The following TTC5 variants were observed in gnomAD, a reference collection of about 807,000 sequenced individuals.
TTC5 encodes tetratricopeptide repeat protein 5.
Under a neutral mutation model 57.4 loss-of-function variants are expected in TTC5, and 46 were observed. The ratio of observed to expected loss-of-function variants is 0.80; its 90% CI spans 0.63 to 1.03. The LOEUF (loss-of-function observed/expected upper bound fraction) is 1.03. TTC5 is among the 50% of genes least tolerant of loss of function. The pLI is 0.00. For missense variants in TTC5, 504 were observed against 528.1 expected, an observed-to-expected ratio of 0.95 and a Z score of 0.45; for synonymous variants, 190 against 203.5, an observed-to-expected ratio of 0.93 and a Z score of 0.57.
At chr14:20,295,976 G>T in intron 6 of TTC5, 122 bp from the exon 7 acceptor site, 1 of 971,650 alleles carries the variant, frequency 1.0e-6, no homozygotes, top group Non-Finnish European at 1.5e-6. Flanking sequence ...TTCCTGTGCT[G>T]CAACAAACAG....
intron 5 of TTC5, among the ~76,000 whole-genome samples, chr14:20,296,795 C>T (rs754273722): frequency 6.6e-5 from 10 of 152,118 alleles, no homozygotes; most frequent in Non-Finnish European, 1.5e-4. Context: ...GGCAGATCAC[C>T]TGAGGTCAGG....
At chr14:20,292,974 T>G (rs1881989474) in intron 8 of TTC5, 1 of 152,220 alleles carries the variant, frequency 6.6e-6, no homozygotes. Context: ...ATGGTGGTAA[T>G]GATCTCTATT....
chr14:20,300,620 C>G lies in TTC5; in HGVS notation c.383G>C (p.Gly128Ala). The change falls in exon 3 of 10, where the codon GGA becomes GCA. Residue 128 changes from glycine (G) to alanine (A), a missense_variant. Gly to Ala is a moderately conservative substitution (Grantham distance 60). Coordinates refer to ENST00000258821, the MANE Select transcript of TTC5 (RefSeq NM_138376.3). ...GGGGCAGCTCACATGGGTGAGGGCTCCTGAGAAGCAGGTGTGGGCAGCTGC... is the reference window on the plus strand; with the variant it reads ...GGGGCAGCTCACATGGGTGAGGGCTGCTGAGAAGCAGGTGTGGGCAGCTGC... ...DVAAAHTCFS[G>A]ALTHCRNKVS... 2 of 1,612,162 alleles carry G rather than the reference C, an allele frequency of 1.2e-6. No homozygotes were observed. The highest frequency in any genetic ancestry group is 1.1e-5 in the South Asian group (1 of 91,018).
chr14:20,296,926 T>C (rs916020980), intron 5 of TTC5, among the ~76,000 whole-genome samples: 3 of 152,094 alleles, frequency 2.0e-5, no homozygotes, highest in African/African-American at 7.2e-5. Context: ...GGTAGAATTG[T>C]TTTAACATGG....
At chr14:20,302,050 T>C (rs774957610) in intron 1 of TTC5, 85 bp from the exon 2 acceptor site, 332 of 1,456,854 alleles carry the variant, frequency 2.3e-4, no homozygotes, top group Non-Finnish European at 3.1e-4. Context: ...CAGCTCTTGG[T>C]CTAGAAATAC....
At position 20,289,639 on chromosome 14, in the gene TTC5, T is replaced by G; in HGVS notation, c.1311A>C (p.Pro437=). The G allele has an allele frequency of 6.2e-7, 1 of 1,613,320 alleles. No individual in the cohort carries two copies. Among genetic ancestry groups the G allele is most frequent in the Non-Finnish European group, 8.5e-7 (1 of 1,179,498 alleles). ...SQAVATVASR[P]QCE ...TGCAAGTCAAAGGTCATTCACACTG[T>G]GGTCGCGATGCCACTGTGGCAACAG... Residue 437 remains proline, a synonymous_variant, in exon 10 of 10, where the codon CCA becomes CCC. Transcript: ENST00000258821.
intron 2 of TTC5, 139 bp downstream of exon 2, chr14:20,301,694 A>C: frequency 2.8e-6 from 3 of 1,067,182 alleles, no homozygotes; most frequent in Non-Finnish European, 3.9e-6. Flanking sequence ...AAGGTTGCAC[A>C]GGGGCCCTGA....
At chr14:20,297,262 T>A (rs1882085233) in intron 5 of TTC5, among the ~76,000 whole-genome samples, 1 of 152,138 alleles carries the variant, frequency 6.6e-6, no homozygotes, top group Non-Finnish European at 1.5e-5. Context: ...GAATTTTTTT[T>A]AAACAGATAA....
At chr14:20,292,382 T>A (rs1881972986) in intron 8 of TTC5, 1 of 212,748 alleles carries the variant, frequency 4.7e-6, no homozygotes, top group Non-Finnish European at 9.2e-6. Context: ...ATCTGAGTCT[T>A]CATTTTTCTG....
At chr14:20,304,664 C>T (rs977835645) in intron 1 of TTC5, among the ~76,000 whole-genome samples, 1 of 152,136 alleles carries the variant, frequency 6.6e-6, no homozygotes, top group African/African-American at 2.4e-5. Flanking sequence ...ACAAATGAAC[C>T]TAGGAAAAGA....
intron 5 of TTC5, among the ~76,000 whole-genome samples, chr14:20,298,338 GTT>G (rs1232967498): frequency 6.6e-6 from 1 of 152,116 alleles, no homozygotes; most frequent in East Asian, 1.9e-4. Context: ...GCTACACATT[GTT>G]TTCTCTTTTA....
At chr14:20,304,194 T>C (rs867964748) in intron 1 of TTC5, among the ~76,000 whole-genome samples, 4 of 152,348 alleles carry the variant, frequency 2.6e-5, no homozygotes, top group Middle Eastern at 3.4e-3. Context: ...TGGGACATGA[T>C]AGGCTCTAAT....
chr14:20,292,673 G>A (rs1881983188), intron 8 of TTC5: 1 of 152,224 alleles, frequency 6.6e-6, no homozygotes, highest in Admixed American at 6.5e-5. Flanking sequence ...GTCAGACAAT[G>A]AAGTCATCAC....
chr14:20,299,188 C>T (rs1339434586), intron 4 of TTC5, 110 bp downstream of exon 4: 2 of 1,219,364 alleles, frequency 1.6e-6, no homozygotes, highest in African/African-American at 3.0e-5. Context: ...ACAAAGATGC[C>T]CTCTCTGGCT....
intron 1 of TTC5, among the ~76,000 whole-genome samples, chr14:20,303,305 C>T (rs1328428608): frequency 6.6e-6 from 1 of 152,026 alleles, no homozygotes; most frequent in Admixed American, 6.5e-5. Flanking sequence ...CATAAGCCAC[C>T]AAGTTTCATA....
In TTC5 at chr14:20,305,917, T is replaced by C. The variant is rs749309233; in HGVS notation, c.21A>G (p.Glu7=). 3.7e-6 allele frequency: 6 copies of C among 1,614,154 alleles called. No homozygotes were observed. The highest frequency in any genetic ancestry group is 3.3e-5 in the Admixed American group (2 of 60,020). ...ATTTCTGCAAGATCGGCTTGACTTC[T>C]TCCTCTTCATCAGCCATCATCTCCC... The part of the protein sequence containing the change: MMADEE[E]EVKPILQKLQ... The change falls in exon 1 of 10, where the codon GAA becomes GAG. Residue 7 remains glutamate (E), a synonymous_variant. Transcript: ENST00000258821.
chr14:20,286,494 G>C lies in TTC5; in HGVS notation c.*3133C>G, dbSNP rs1881840657. Reference sequence around the variant, plus strand: ...GGGCTTTAAAGATCAGTAGGGAAAGGATTGATTCTTTAATAAAAGGTGCTG... The same window carrying C: ...GGGCTTTAAAGATCAGTAGGGAAAGCATTGATTCTTTAATAAAAGGTGCTG... On this transcript the variant is annotated 3_prime_UTR_variant, in exon 10 of 10. Coordinates refer to ENST00000258821, the MANE Select transcript of TTC5 (RefSeq NM_138376.3). 6.6e-6 allele frequency: 1 copy of C among 151,826 alleles called. No individual in the cohort carries two copies. The highest frequency in any genetic ancestry group is 1.5e-5 in the Non-Finnish European group (1 of 67,940). 9.4% of individuals were successfully genotyped at this position (151,826 alleles called of 1,614,324 possible).
intron 8 of TTC5, chr14:20,293,645 G>C (rs987046532): frequency 6.6e-6 from 1 of 152,210 alleles, no homozygotes; most frequent in African/African-American, 2.4e-5. Flanking sequence ...GAGGAAACCA[G>C]AGAATCAGGG....
At position 20,289,531 on chromosome 14, in the gene TTC5, C is replaced by T; in HGVS notation, c.*96G>A. On this transcript the variant is annotated 3_prime_UTR_variant, in exon 10 of 10. Transcript: ENST00000258821. ...AGAGAAAGTCTTCATTTAAAACATT[C>T]CTCCCATCCCTGCTGAATCACTGGA... The T allele has an allele frequency of 7.0e-7, 1 of 1,429,058 alleles. No homozygotes were observed. Among genetic ancestry groups the T allele is most frequent in the Non-Finnish European group, 9.4e-7 (1 of 1,063,132 alleles). The allele number at this position is 1,429,058 out of a possible 1,614,324, so 88.5% of individuals were successfully genotyped here. A position where few individuals can be genotyped will look rare whatever the true frequency, so the allele number is the denominator to read the frequency against.
Sources: allele counts gnomAD v4.1 joint callset (sites outside exome capture counted in the v4.1 genomes callset), GRCh38; gene constraint gnomAD v4.1.1; transcripts MANE v1.5; gene names NCBI Gene and HGNC (gene_info 2026-07-23, HGNC 2026-07-21).